The following OR1J2 variants were observed in gnomAD, a reference collection of about 807,000 sequenced individuals.
The protein encoded by OR1J2 is olfactory receptor 1J2.
For missense variants in OR1J2, 304 were observed against 246.1 expected, an observed-to-expected ratio of 1.24 and a Z score of -1.57; for synonymous variants, 142 against 99.7, an observed-to-expected ratio of 1.42 and a Z score of -2.52.
At chr9:122,540,108 T>G in the OR1J2 span, among the ~76,000 whole-genome samples, 2 of 151,964 alleles carry the variant, frequency 1.3e-5, no homozygotes, top group Non-Finnish European at 2.9e-5. Flanking sequence ...GTGCAGAAAC[T>G]CTTTAGTTTA....
At chr9:122,526,855 A>G in the OR1J2 span, 1 of 1,614,192 alleles carries the variant, frequency 6.2e-7, no homozygotes, top group Non-Finnish European at 8.5e-7. Context: ...GTGAGGACCC[A>G]GCACAATGCA....
chr9:122,529,189 C>G, the OR1J2 span, among the ~76,000 whole-genome samples: 1 of 152,212 alleles, frequency 6.6e-6, no homozygotes. Flanking sequence ...CCTACTTCAG[C>G]ACTTGATAAG....
the OR1J2 span, among the ~76,000 whole-genome samples, chr9:122,528,425 C>A: frequency 1.3e-5 from 2 of 152,136 alleles, no homozygotes; most frequent in African/African-American, 4.8e-5. Flanking sequence ...TGACAAAACC[C>A]CATCTCTATT....
chr9:122,531,941 C>T, the OR1J2 span, among the ~76,000 whole-genome samples: 5 of 152,242 alleles, frequency 3.3e-5, no homozygotes, highest in East Asian at 1.9e-4. Flanking sequence ...TTTCCTGACT[C>T]GGGGCATGTT....
chr9:122,486,856 A>T, the OR1J2 span, among the ~76,000 whole-genome samples: 1 of 152,370 alleles, frequency 6.6e-6, no homozygotes, highest in East Asian at 1.9e-4. Context: ...TGGAAAAGAC[A>T]TCTGGATATG....
the OR1J2 span, among the ~76,000 whole-genome samples, chr9:122,536,675 T>C: frequency 2.0e-5 from 3 of 152,328 alleles, no homozygotes; most frequent in East Asian, 1.9e-4. Flanking sequence ...AGACTCTTGA[T>C]AGTTTTATAG....
the OR1J2 span, among the ~76,000 whole-genome samples, chr9:122,533,598 G>A: frequency 6.6e-6 from 1 of 152,106 alleles, no homozygotes; most frequent in Non-Finnish European, 1.5e-5. Flanking sequence ...TTTAGTTAAA[G>A]TGTCTCAGCC....
At chr9:122,559,189 A>G in the OR1J2 span, among the ~76,000 whole-genome samples, 1 of 152,034 alleles carries the variant, frequency 6.6e-6, no homozygotes, top group Non-Finnish European at 1.5e-5. Context: ...TGACTAACCT[A>G]TCCCTGTTCC....
At chr9:122,556,129 A>G in the OR1J2 span, among the ~76,000 whole-genome samples, 1 of 152,188 alleles carries the variant, frequency 6.6e-6, no homozygotes, top group Non-Finnish European at 1.5e-5. Flanking sequence ...ATCATACAGT[A>G]TATTGCCTTT....
chr9:122,522,741 C>T, the OR1J2 span, among the ~76,000 whole-genome samples: 1 of 152,244 alleles, frequency 6.6e-6, no homozygotes, highest in African/African-American at 2.4e-5. Flanking sequence ...CCTGTCTGTG[C>T]CAGGCAGTGT....
chr9:122,551,122 G>A, the OR1J2 span, among the ~76,000 whole-genome samples: 1 of 152,090 alleles, frequency 6.6e-6, no homozygotes, highest in Non-Finnish European at 1.5e-5. Flanking sequence ...TAACAATCAA[G>A]CTGAGAACCA....
the OR1J2 span, among the ~76,000 whole-genome samples, chr9:122,531,349 G>C: frequency 6.6e-6 from 1 of 152,198 alleles, no homozygotes. Context: ...AGCTGTGATG[G>C]TTTGGAGAAA....
At chr9:122,478,478 T>A in the OR1J2 span, among the ~76,000 whole-genome samples, 12 of 152,340 alleles carry the variant, frequency 7.9e-5, no homozygotes, top group East Asian at 2.3e-3. Context: ...CAGTGCATGA[T>A]TATTTCTAAT....
At chr9:122,475,396 CA>C in the OR1J2 span, among the ~76,000 whole-genome samples, 1 of 152,184 alleles carries the variant, frequency 6.6e-6, no homozygotes, top group African/African-American at 2.4e-5. Context: ...CTTTCTCTCA[CA>C]AAAGCAGGGG....
At chr9:122,490,624 CAG>C in the OR1J2 span, among the ~76,000 whole-genome samples, 1 of 151,878 alleles carries the variant, frequency 6.6e-6, no homozygotes, top group Non-Finnish European at 1.5e-5. Flanking sequence ...GGGAGAGAAA[CAG>C]AGGAATAGGA....
the OR1J2 span, among the ~76,000 whole-genome samples, chr9:122,487,316 G>C: frequency 3.9e-5 from 6 of 152,158 alleles, no homozygotes; most frequent in South Asian, 1.2e-3. Flanking sequence ...AACTGTGAGA[G>C]AACATTTTCC....
chr9:122,463,859 C>T, the OR1J2 span, among the ~76,000 whole-genome samples: 1 of 152,240 alleles, frequency 6.6e-6, no homozygotes, highest in East Asian at 1.9e-4. Context: ...CTGTGAGGGT[C>T]CTTGGTTGTA....
At chr9:122,565,492 C>G in the OR1J2 span, among the ~76,000 whole-genome samples, 1 of 152,146 alleles carries the variant, frequency 6.6e-6, no homozygotes, top group Non-Finnish European at 1.5e-5. Context: ...GCATGTACTC[C>G]CACTAACCAG....
chr9:122,469,582 A>C, the OR1J2 span, among the ~76,000 whole-genome samples: 1 of 152,224 alleles, frequency 6.6e-6, no homozygotes, highest in African/African-American at 2.4e-5. Context: ...TGCTGAAAAG[A>C]TACCCGAAAA....
Sources: allele counts gnomAD v4.1 joint callset (sites outside exome capture counted in the v4.1 genomes callset), GRCh38; gene constraint gnomAD v4.1.1; transcripts MANE v1.5; gene names NCBI Gene and HGNC (gene_info 2026-07-23, HGNC 2026-07-21).